Variants in GBP3 observed in about 807,000 individuals in gnomAD.
The protein encoded by GBP3 is guanylate-binding protein 3.
A neutral mutation model predicts 62.4 loss-of-function variants in GBP3; 55 were observed. The observed-to-expected ratio is 0.88, with a 90% CI of 0.71 to 1.10. The LOEUF (loss-of-function observed/expected upper bound fraction) is 1.10, where lower values mean the gene tolerates loss of function less well. GBP3 is among the 50% of genes least tolerant of loss of function. GBP3 has a pLI of 0.00. For missense variants in GBP3, 605 were observed against 690.6 expected (o/e 0.88, Z 1.39); for synonymous variants, 208 against 259.2 (o/e 0.80, Z 1.90).
chr1:89,021,510 G>GCGCGCACACACACACACACACA (rs751639388), intron 1 of GBP3, among the ~76,000 whole-genome samples: 4 of 131,738 alleles, frequency 3.0e-5, no homozygotes, highest in African/African-American at 1.2e-4. Flanking sequence ...GCGCGCGCGC[G>GCGCGCACACACACACACACACA]CACACACACA....
chr1:89,008,677 T>C (rs146646620), intron 10 of GBP3, among the ~76,000 whole-genome samples: 19 of 152,116 alleles, frequency 1.2e-4, no homozygotes, highest in African/African-American at 4.6e-4. Context: ...GAGATATAGA[T>C]AAGGCATTTT....
At chr1:89,017,792 A>T (rs1678967453) in intron 2 of GBP3, among the ~76,000 whole-genome samples, 2 of 152,144 alleles carry the variant, frequency 1.3e-5, no homozygotes, top group African/African-American at 4.8e-5. Flanking sequence ...AAAAAAATTG[A>T]AAAGGGCTGG....
chr1:89,011,370 G>T (rs1050735951), intron 7 of GBP3, among the ~76,000 whole-genome samples: 1 of 139,226 alleles, frequency 7.2e-6, no homozygotes, highest in African/African-American at 2.5e-5. Context: ...TTGCATATTG[G>T]ACTAATGATT....
At chr1:89,015,442 G>C in intron 2 of GBP3, 28 bp from the exon 3 acceptor site, 1 of 1,600,924 alleles carries the variant, frequency 6.2e-7, no homozygotes, top group East Asian at 2.2e-5. Context: ...GATAAGAAGG[G>C]CTGGAGGTTT....
At chr1:89,008,675 G>C (rs759544592) in intron 10 of GBP3, among the ~76,000 whole-genome samples, 1 of 151,922 alleles carries the variant, frequency 6.6e-6, no homozygotes, top group Non-Finnish European at 1.5e-5. Flanking sequence ...AAGAGATATA[G>C]ATAAGGCATT....
rs550723753 is a variant in GBP3 at position 89,009,096 on chromosome 1, C to T, written c.1510G>A (p.Val504Met). ...AESAQASAKMVEEMQIKYQQM... is the reference protein window; with the variant it reads ...AESAQASAKMMEEMQIKYQQM... ...TGATACTTTATTTGCATTTCCTCCA[C>T]CATTTTTGCTGAAGCCTGTGCAGAT... Residue 504 changes from valine (V) to methionine (M), a missense_variant, in exon 10 of 11, where the codon GTG (valine) becomes ATG (methionine). By Grantham distance (21) the Val-to-Met change is conservative (BLOSUM62 1). Around this residue, in one of 3 missense-constraint regions of GBP3, gnomAD observed 160 missense variants for 147.8 expected, o/e 1.08. Coordinates refer to ENST00000370481, the MANE Select transcript of GBP3 (RefSeq NM_018284.3). 2.1e-5 allele frequency: 34 copies of T among 1,614,144 alleles called. No homozygotes were observed. Among genetic ancestry groups the T allele is most frequent in the Non-Finnish European group, 2.6e-5 (31 of 1,180,008 alleles).
At position 89,013,250 on chromosome 1, in the gene GBP3, C is replaced by T. The variant is rs374589463; in HGVS notation, c.803G>A (p.Cys268Tyr). The change falls in exon 6 of 11, where the codon TGT becomes TAT. Residue 268 changes from cysteine to tyrosine, a missense_variant. Physicochemically the swap from Cys to Tyr is radical, Grantham distance 194. Coordinates refer to ENST00000370481, the MANE Select transcript of GBP3 (RefSeq NM_018284.3). ...PEFVQQVADFCSYIFSNSKTK... is the reference protein window; with the variant it reads ...PEFVQQVADFYSYIFSNSKTK... ...TTTGGAATTGCTAAAGATGTAGGAA[C>T]AGAAGTCTGCTACTTGTTGCACAAA... is the stretch of plus-strand genomic sequence containing the variant. 6.2e-6 allele frequency: 10 copies of T among 1,614,074 alleles called. No homozygotes were observed. Among genetic ancestry groups the T allele is most frequent in the East Asian group, 2.2e-5 (1 of 44,896 alleles).
intron 10 of GBP3, among the ~76,000 whole-genome samples, chr1:89,008,411 A>G (rs940319609): frequency 1.3e-5 from 2 of 149,826 alleles, no homozygotes; most frequent in African/African-American, 4.9e-5. Flanking sequence ...TAGGGCACAG[A>G]AAACAGGCAG....
At chr1:89,016,665 C>G (rs1678906164) in intron 2 of GBP3, among the ~76,000 whole-genome samples, 1 of 152,100 alleles carries the variant, frequency 6.6e-6, no homozygotes, top group Non-Finnish European at 1.5e-5. Context: ...GTCTTGACCT[C>G]CCAGGCTCAA....
chr1:89,009,523 A>G (rs1194025114), intron 8 of GBP3, 29 bp from the exon 9 acceptor site: 2 of 1,610,008 alleles, frequency 1.2e-6, no homozygotes, highest in South Asian at 2.2e-5. Context: ...CAGAGTGAGA[A>G]GTAGGAAATG....
At chr1:89,020,333 C>A in intron 2 of GBP3, 199 bp downstream of exon 2, 1 of 639,580 alleles carries the variant, frequency 1.6e-6, no homozygotes, top group Non-Finnish European at 2.8e-6. Context: ...GGTGAACAGT[C>A]AATTGAGATA....
intron 2 of GBP3, among the ~76,000 whole-genome samples, chr1:89,019,945 A>G (rs1679088432): frequency 1.3e-5 from 2 of 152,252 alleles, no homozygotes; most frequent in African/African-American, 4.8e-5. Flanking sequence ...AAAATCCAAT[A>G]CAGACTGAAA....
At chr1:89,021,508 G>GCACACA (rs1360476955) in intron 1 of GBP3, among the ~76,000 whole-genome samples, 94 of 53,508 alleles carry the variant, frequency 1.8e-3, no homozygotes, top group East Asian at 6.3e-3. Context: ...ATGCGCGCGC[G>GCACACA]CGCACACACA....
Position 89,021,510 on chromosome 1 carries a change from G to GCGCGCGCACA in GBP3, c.-22-768_-22-767insTGTGCGCGCG, listed in dbSNP as rs751639388. On this transcript the variant is annotated intron_variant, in intron 1 of 10. Coordinates refer to ENST00000370481, the MANE Select transcript of GBP3 (RefSeq NM_018284.3). Reference sequence around the variant, plus strand: ...CTAAGAAACACGCATGCGCGCGCGCGCACACACACACACACACACACACAC... The same window carrying GCGCGCGCACA: ...CTAAGAAACACGCATGCGCGCGCGCGCGCGCGCACACACACACACACACACACACACACAC... Among the ~76,000 whole-genome samples the GCGCGCGCACA allele has an allele frequency of 9.4e-4, 124 of 131,736 alleles. 1 individual carries two copies. Among genetic ancestry groups the GCGCGCGCACA allele is most frequent in the African/African-American group, 8.1e-4 (27 of 33,292 alleles). The allele number at this position is 131,736 out of a possible 152,430, so 86.4% of individuals were successfully genotyped here.
Position 89,012,669 on chromosome 1 carries a change from C to T in GBP3, c.868+516G>A, listed in dbSNP as rs1243731853. 1.4e-5 allele frequency among the ~76,000 whole-genome samples: 2 copies of T among 138,184 alleles called. 1 individual carries two copies. Among genetic ancestry groups the T allele is most frequent in the Non-Finnish European group, 3.3e-5 (2 of 59,882 alleles). The allele number at this position is 138,184 out of a possible 152,430, so 90.7% of individuals were successfully genotyped here. ...GCTACTGTACTGTACAGTGCAGGCC[C>T]AGTTTACTGTGGCAATTTTAAGTAA... is the stretch of plus-strand genomic sequence containing the variant. On this transcript the variant is annotated intron_variant, in intron 6 of 10. Transcript: ENST00000370481.
intron 5 of GBP3, 26 bp from the exon 6 acceptor site, chr1:89,013,453 G>T (rs1297636229): frequency 1.3e-6 from 2 of 1,592,368 alleles, no homozygotes; most frequent in African/African-American, 1.4e-5. Context: ...AAAGAAATTT[G>T]CCTAATATAA....
intron 3 of GBP3, 61 bp downstream of exon 3, chr1:89,015,226 A>G: frequency 1.4e-6 from 2 of 1,466,330 alleles, no homozygotes; most frequent in East Asian, 2.4e-5. Context: ...AAAAAACTAA[A>G]TGGTGCTTAA....
chr1:89,018,235 C>T (rs1314823034), intron 2 of GBP3, among the ~76,000 whole-genome samples: 11 of 152,084 alleles, frequency 7.2e-5, no homozygotes, highest in Non-Finnish European at 1.2e-4. Flanking sequence ...GCCAACGGGA[C>T]GTGATGTGCT....
At position 89,013,258 on chromosome 1, in the gene GBP3, T is replaced by G. The variant is rs778797204; in HGVS notation, c.795A>C (p.Ala265=). The G allele has an allele frequency of 3.1e-6, 5 of 1,614,104 alleles. No individual in the cohort carries two copies. The African/African-American group carries it at 6.7e-5, about 22-fold the overall frequency. The change falls in exon 6 of 11, where the codon GCA becomes GCC. Residue 265 remains alanine, a synonymous_variant. Coordinates refer to ENST00000370481, the MANE Select transcript of GBP3 (RefSeq NM_018284.3). Reference sequence around the variant, plus strand: ...TGCTAAAGATGTAGGAACAGAAGTCTGCTACTTGTTGCACAAATTCAGGGT... The same window carrying G: ...TGCTAAAGATGTAGGAACAGAAGTCGGCTACTTGTTGCACAAATTCAGGGT... The part of the protein sequence containing the change: ...ELDPEFVQQV[A]DFCSYIFSNS...
Sources: allele counts gnomAD v4.1 joint callset (sites outside exome capture counted in the v4.1 genomes callset), GRCh38; gene constraint gnomAD v4.1.1; regional missense constraint gnomAD v4.1.1; transcripts MANE v1.5; gene names NCBI Gene and HGNC (gene_info 2026-07-23, HGNC 2026-07-21).